Variants in SP7 observed in about 807,000 individuals in gnomAD.
SP7 encodes transcription factor Sp7.
SP7 carries 13 observed loss-of-function variants against 27.9 expected under a neutral mutation model. The observed-to-expected ratio is 0.47, with a 90% CI of 0.30 to 0.74. The LOEUF is 0.74. Ranked by LOEUF, SP7 falls within the 30% of genes least tolerant of loss-of-function variation. SP7 has a pLI of 0.06. For synonymous variants in SP7, 219 were observed against 226.7 expected, an observed-to-expected ratio of 0.97 and a Z score of 0.31; for missense variants, 525 against 558.0, an observed-to-expected ratio of 0.94 and a Z score of 0.60.
intron 2 of SP7, among the ~76,000 whole-genome samples, chr12:53,335,298 C>T (rs921036674): frequency 6.6e-6 from 1 of 151,422 alleles, no homozygotes; most frequent in African/African-American, 2.4e-5. Flanking sequence ...CCCCTCGCCC[C>T]CCTCCCCCTC....
At chr12:53,334,331 TACACACACACACACACACACACACACAC>T (rs57611228) in intron 2 of SP7, among the ~76,000 whole-genome samples, 4 of 139,536 alleles carry the variant, frequency 2.9e-5, no homozygotes, top group Admixed American at 7.2e-5. Context: ...TGGCCCAACT[TACACACACACACACACACACACACACAC>T]ACACACACAC....
Position 53,344,096 on chromosome 12 carries a change from G to A in SP7, c.-34+1018C>T, listed in dbSNP as rs185392657. On this transcript the variant is annotated intron_variant, in intron 1 of 1. Coordinates refer to the SP7 transcript ENST00000547755. This position sits in a 1 kb window ranked among gnomAD's most constrained non-coding sequence, Gnocchi z 4.6. Reference sequence around the variant, plus strand: ...AAGTCAATGAAGGGGTGATATTGAGGATGTGAGGTGGAGAGGATTTGGTGT... The same window carrying A: ...AAGTCAATGAAGGGGTGATATTGAGAATGTGAGGTGGAGAGGATTTGGTGT... Among the ~76,000 whole-genome samples the A allele has an allele frequency of 0.086, 13,155 of 152,160 alleles. 765 individuals carry two copies. Among genetic ancestry groups the A allele is most frequent in the Non-Finnish European group, 0.13 (8,853 of 67,980 alleles).
chr12:53,331,123 C>G (rs528360725), intron 2 of SP7, among the ~76,000 whole-genome samples: 28 of 152,308 alleles, frequency 1.8e-4, no homozygotes, highest in Admixed American at 6.5e-4. Flanking sequence ...GTCCTTCTAG[C>G]ACTGTGAATG....
rs747513025 is a variant in SP7, at chr12:53,328,915, T to G, written c.527A>C (p.Asp176Ala). ...TGTGGGCAGTGTCCCTTGCAGCCCA[T>G]CACCCTGGCCCTGCCCACCACCTAG... Reference protein sequence around the residue: ...NWLGGGQGQGDGLQGTLPTGP... With the variant: ...NWLGGGQGQGAGLQGTLPTGP... The change falls in exon 3 of 3, where the codon GAT (aspartate) becomes GCT (alanine). Residue 176 changes from aspartate to alanine, a missense_variant. Coordinates refer to ENST00000536324, the MANE Select transcript of SP7 (RefSeq NM_001173467.3). This position sits in a 1 kb window ranked among gnomAD's most constrained non-coding sequence, Gnocchi z 5.1. The G allele has an allele frequency of 6.2e-7, 1 of 1,611,926 alleles. No homozygotes were observed. The highest frequency in any genetic ancestry group is 1.3e-5 in the African/African-American group (1 of 74,862).
chr12:53,329,074 G>A lies in SP7; in HGVS notation c.368C>T (p.Pro123Leu). ...CATGTCCAGAGAGGTGTAGACACTG[G>A]GCAGACAGTCAGAAGAGCTGTGCCC... ...PKGHSSSDCL[P>L]SVYTSLDMTH... The change falls in exon 3 of 3, where the codon CCC becomes CTC. Residue 123 changes from proline (P) to leucine (L), a missense_variant. By Grantham distance (98) the Pro-to-Leu change is moderately conservative (BLOSUM62 -3). Coordinates refer to ENST00000536324, the MANE Select transcript of SP7 (RefSeq NM_001173467.3). The A allele has an allele frequency of 6.2e-7, 1 of 1,613,820 alleles. No homozygotes were observed. The highest frequency in any genetic ancestry group is 8.5e-7 in the Non-Finnish European group (1 of 1,179,880).
upstream of SP7, among the ~76,000 whole-genome samples, chr12:53,338,396 G>A (rs886395546): frequency 1.8e-4 from 28 of 152,244 alleles, no homozygotes; most frequent in African/African-American, 6.0e-4. Flanking sequence ...AGAAAAGCCC[G>A]ACCCAGTTAG....
At chr12:53,343,318 G>A (rs1176445104) in intron 1 of SP7, among the ~76,000 whole-genome samples, 1 of 152,112 alleles carries the variant, frequency 6.6e-6, no homozygotes, top group Non-Finnish European at 1.5e-5. Flanking sequence ...GGAGGCTGAT[G>A]GAGAAGTTCT....
In SP7 at chr12:53,328,623, A is replaced by C; in HGVS notation, c.819T>G (p.Pro273=). 1 of 1,610,204 alleles carries C rather than the reference A, an allele frequency of 6.2e-7. No homozygotes were observed. Among genetic ancestry groups the C allele is most frequent in the Non-Finnish European group, 8.5e-7 (1 of 1,177,122 alleles). ...CCAGCCGCTCTAGCTCCTGGCAATTAGGGCAGTCGCAGGAGGAGCGCCCTG... is the reference window on the plus strand; with the variant it reads ...CCAGCCGCTCTAGCTCCTGGCAATTCGGGCAGTCGCAGGAGGAGCGCCCTG... ...SGAGRSSCDC[P]NCQELERLGA... The change falls in exon 3 of 3, where the codon CCT becomes CCG. Residue 273 remains proline (P), a synonymous_variant. Coordinates refer to ENST00000536324, the MANE Select transcript of SP7 (RefSeq NM_001173467.3). This position sits in a 1 kb window ranked among gnomAD's most constrained non-coding sequence, Gnocchi z 5.1.
intron 1 of SP7, among the ~76,000 whole-genome samples, chr12:53,342,057 C>A (rs368011340): frequency 3.1e-4 from 44 of 143,492 alleles, no homozygotes; most frequent in East Asian, 6.1e-4. Flanking sequence ...GACTCCGTCT[C>A]AAAAAAAAAA....
At chr12:53,332,903 T>G (rs1177067258) in intron 2 of SP7, among the ~76,000 whole-genome samples, 2 of 152,058 alleles carry the variant, frequency 1.3e-5, no homozygotes, top group Non-Finnish European at 2.9e-5. Context: ...TGCGGTCGGT[T>G]TATTTTTAAA....
At chr12:53,332,622 C>T (rs1489698566) in intron 2 of SP7, among the ~76,000 whole-genome samples, 1 of 151,464 alleles carries the variant, frequency 6.6e-6, no homozygotes, top group African/African-American at 2.4e-5. Flanking sequence ...TAGGCAGGGA[C>T]CTAAAAGACC....
rs182197696 is a variant in SP7 at position 53,342,873 on chromosome 12, G to A, written c.-34+2241C>T. ...AAAAATAAAATAAAATAAAAAATAA[G>A]TACTGGATGTTATAGGAGACAAAAG... On this transcript the variant is annotated intron_variant, in intron 1 of 1. Transcript: ENST00000547755. Among the ~76,000 whole-genome samples, 206 of 151,238 alleles carry A rather than the reference G, an allele frequency of 1.4e-3. 1 individual carries two copies. The Middle Eastern group carries it at 0.017, about 13-fold the overall frequency.
At chr12:53,333,127 C>T (rs1204928830) in intron 2 of SP7, among the ~76,000 whole-genome samples, 1 of 152,182 alleles carries the variant, frequency 6.6e-6, no homozygotes, top group East Asian at 1.9e-4. Flanking sequence ...ACTCAGAATG[C>T]TCTGGGGGCT....
At chr12:53,334,032 C>A (rs1219934975) in intron 2 of SP7, among the ~76,000 whole-genome samples, 2 of 152,238 alleles carry the variant, frequency 1.3e-5, no homozygotes, top group Non-Finnish European at 1.5e-5. Flanking sequence ...TGCCCACGCC[C>A]ACTGACACTG....
chr12:53,339,151 C>A (rs1173396405), upstream of SP7, among the ~76,000 whole-genome samples: 1 of 152,186 alleles, frequency 6.6e-6, no homozygotes, highest in Non-Finnish European at 1.5e-5. Context: ...ATCCACCACC[C>A]CCCACCACCC....
At chr12:53,343,686 G>A (rs1214232577) in intron 1 of SP7, among the ~76,000 whole-genome samples, 2 of 152,172 alleles carry the variant, frequency 1.3e-5, no homozygotes, top group African/African-American at 2.4e-5. Flanking sequence ...TCGGAGGCAA[G>A]GAAACAATCT....
chr12:53,338,109 AGGAGGAGGAGGAG>A (rs1944788563), upstream of SP7, among the ~76,000 whole-genome samples: 2 of 136,516 alleles, frequency 1.5e-5, no homozygotes, highest in East Asian at 2.0e-4. Flanking sequence ...CCAGGTCCGG[AGGAGGAGGAGGAG>A]GAGGAGGAGG....
chr12:53,330,848 C>T (rs1046633774), intron 2 of SP7, among the ~76,000 whole-genome samples: 1 of 152,154 alleles, frequency 6.6e-6, no homozygotes, highest in African/African-American at 2.4e-5. Flanking sequence ...GCAGAGACTC[C>T]GGCTGGAGAG....
upstream of SP7, among the ~76,000 whole-genome samples, chr12:53,340,321 T>TC (rs148791221): frequency 2.0e-5 from 3 of 152,188 alleles, no homozygotes; most frequent in East Asian, 5.8e-4. Flanking sequence ...CTCTGTGGTC[T>TC]CCTAAAGGGC....
Sources: gnomAD v4.1 joint callset for allele counts (sites outside exome capture counted in the v4.1 genomes callset) on GRCh38, gnomAD v4.1.1 for gene constraint, Gnocchi (gnomAD v3.1) non-coding constraint, MANE v1.5 for transcripts, NCBI Gene and HGNC (gene_info 2026-07-23, HGNC 2026-07-21) for gene names.